Variants in DDI2 observed in about 807,000 individuals in gnomAD.
The protein encoded by DDI2 is protein DDI1 homolog 2.
DDI2 carries 5 observed loss-of-function variants against 48.1 expected under a neutral mutation model. The ratio of observed to expected loss-of-function variants is 0.10; its 90% confidence interval spans 0.05 to 0.22. The LOEUF (loss-of-function observed/expected upper bound fraction) is 0.22, where lower values mean the gene tolerates loss of function less well. Among genes scored for constraint, DDI2 ranks in the 10% least tolerant of loss-of-function variants. The pLI is 1.00. For synonymous variants in DDI2, 205 were observed against 183.6 expected (o/e 1.12, Z -0.94); for missense variants, 285 against 506.2 (o/e 0.56, Z 4.19).
In DDI2 at chr1:15,630,506, C is replaced by G; in HGVS notation, c.450C>G (p.Ser150=). The G allele has an allele frequency of 3.1e-6, 5 of 1,614,174 alleles. 1 individual carries two copies. The South Asian group carries it at 3.3e-5, about 11-fold the overall frequency. The change falls in exon 3 of 10, where the codon TCC becomes TCG. Residue 150 remains serine (S), a synonymous_variant. Coordinates refer to ENST00000480945, the MANE Select transcript of DDI2 (RefSeq NM_032341.5). ...DMLLANPHEL[S]LLKERNPPLA... The stretch of plus-strand genomic sequence containing the variant: ...TGCTGGCCAACCCGCATGAGCTGTC[C>G]TTGCTGAAGGAACGCAATCCACCCC...
chr1:15,641,855 T>C (rs1239881262), intron 5 of DDI2, among the ~76,000 whole-genome samples: 1 of 148,940 alleles, frequency 6.7e-6, no homozygotes, highest in Non-Finnish European at 1.5e-5. Flanking sequence ...CTCGGGAGGC[T>C]GAGGCAGGAG....
intron 5 of DDI2, among the ~76,000 whole-genome samples, chr1:15,639,609 A>G (rs890968809): frequency 6.6e-6 from 1 of 152,124 alleles, no homozygotes; most frequent in Non-Finnish European, 1.5e-5. Flanking sequence ...AACCACAGGC[A>G]TGTGCAACCA....
chr1:15,632,843 T>C (rs1000235591), intron 3 of DDI2, among the ~76,000 whole-genome samples: 4 of 151,492 alleles, frequency 2.6e-5, no homozygotes, highest in Non-Finnish European at 5.9e-5. Flanking sequence ...CCATTTTAAA[T>C]TGGAAAGTTG....
At chr1:15,623,387 C>CTTCTTTT (rs1553152999) in intron 1 of DDI2, among the ~76,000 whole-genome samples, 2 of 107,516 alleles carry the variant, frequency 1.9e-5, no homozygotes, top group African/African-American at 7.5e-5. Context: ...TTTTCTTCTT[C>CTTCTTTT]TTTTTTTTTT....
At chr1:15,646,645 C>T (rs1640096348) in intron 6 of DDI2, among the ~76,000 whole-genome samples, 2 of 152,108 alleles carry the variant, frequency 1.3e-5, no homozygotes, top group Admixed American at 6.5e-5. Context: ...TGAGATTGTG[C>T]CATTTCACTC....
chr1:15,657,866 A>G (rs1257143564), intron 9 of DDI2, among the ~76,000 whole-genome samples: 2 of 152,240 alleles, frequency 1.3e-5, no homozygotes, highest in African/African-American at 4.8e-5. Flanking sequence ...AAACTGAGAT[A>G]AGTGCAGTTT....
intron 1 of DDI2, among the ~76,000 whole-genome samples, chr1:15,625,863 C>T (rs561734559): frequency 6.6e-5 from 10 of 152,306 alleles, no homozygotes; most frequent in African/African-American, 2.2e-4. Context: ...GTGATCCACC[C>T]GCCTTGGCCT....
At chr1:15,635,434 CTT>C (rs1374085130) in intron 4 of DDI2, among the ~76,000 whole-genome samples, 55 of 152,166 alleles carry the variant, frequency 3.6e-4, no homozygotes, top group African/African-American at 1.3e-3. Context: ...AAGACGGAGT[CTT>C]GCTCTGTCGC....
chr1:15,655,788 T>C (rs1212841891), intron 8 of DDI2, among the ~76,000 whole-genome samples: 2 of 150,158 alleles, frequency 1.3e-5, no homozygotes, highest in Non-Finnish European at 3.0e-5. Context: ...TAGCCAGGCA[T>C]GGTGGCATGC....
intron 9 of DDI2, 66 bp downstream of exon 9, chr1:15,656,745 G>A (rs1015919547): frequency 5.6e-5 from 89 of 1,600,008 alleles, no homozygotes; most frequent in Middle Eastern, 1.7e-4. Context: ...GTCTGTATCC[G>A]CAGCAGTTTG....
rs1206804652 is a variant in DDI2, at chr1:15,617,599, G to A, written c.-72G>A. 3 of 1,238,230 alleles carry A rather than the reference G, an allele frequency of 2.4e-6. No individual in the cohort carries two copies. Among genetic ancestry groups the A allele is most frequent in the East Asian group, 6.4e-5 (2 of 31,044 alleles). 76.7% of individuals were successfully genotyped at this position (1,238,230 alleles called of 1,614,324 possible). On this transcript the variant is annotated 5_prime_UTR_variant, in exon 1 of 10. Transcript: ENST00000480945. ...CCTCCCGCAGCACCAGCCAGGCCAC[G>A]CCGCCGCCTCTTCCCCTGCGCCCCG...
rs1240333 is a variant in DDI2 at position 15,662,462 on chromosome 1, G to A, written c.*2672G>A. ...GGGGGAGTTACAATGCAAGTGAAAC[G>A]TGGTGCTACCCAGATTCTTAAAAGA... On this transcript the variant is annotated 3_prime_UTR_variant, in exon 10 of 10. Coordinates refer to ENST00000480945, the MANE Select transcript of DDI2 (RefSeq NM_032341.5). 0.77 allele frequency: 117,867 copies of A among 152,126 alleles called. 46,805 individuals carry two copies. The highest frequency in any genetic ancestry group is 0.94 in the African/African-American group (39,175 of 41,538). The allele number at this position is 152,126 out of a possible 1,614,324, so 9.4% of individuals were successfully genotyped here.
At chr1:15,652,150 C>T (rs570073462) in intron 8 of DDI2, among the ~76,000 whole-genome samples, 19 of 143,370 alleles carry the variant, frequency 1.3e-4, no homozygotes, top group African/African-American at 5.0e-4. Flanking sequence ...TTGTAGTTCA[C>T]TGCACCCTTG....
At position 15,649,835 on chromosome 1, in the gene DDI2, C is replaced by T; in HGVS notation, c.993+12C>T. The T allele has an allele frequency of 1.3e-6, 2 of 1,599,774 alleles. No individual in the cohort carries two copies. Among genetic ancestry groups the T allele is most frequent in the East Asian group, 2.3e-5 (1 of 44,436 alleles). ...TTAAACGGCACCAGGTAATTAAGAG[C>T]TTCACTTATTTTTTTTGCATCTGCT... On this transcript the variant is annotated intron_variant, in intron 7 of 9. Coordinates refer to ENST00000480945, the MANE Select transcript of DDI2 (RefSeq NM_032341.5).
intron 8 of DDI2, among the ~76,000 whole-genome samples, chr1:15,653,237 T>C (rs943181895): frequency 6.6e-6 from 1 of 151,988 alleles, no homozygotes; most frequent in Non-Finnish European, 1.5e-5. Flanking sequence ...CCTATTTCTT[T>C]CCTTTTCTTA....
At position 15,661,316 on chromosome 1, in the gene DDI2, A is replaced by G. The variant is rs747712913; in HGVS notation, c.*1526A>G. 6.2e-7 allele frequency: 1 copy of G among 1,614,056 alleles called. No homozygotes were observed. Among genetic ancestry groups the G allele is most frequent in the Non-Finnish European group, 8.5e-7 (1 of 1,179,966 alleles). On this transcript the variant is annotated 3_prime_UTR_variant, in exon 10 of 10. Transcript: ENST00000480945. ...GTAACCTCAGCTAAAACATCCAATC[A>G]GTTACACTGCACCTTAGGTGTAGAA...
intron 9 of DDI2, among the ~76,000 whole-genome samples, chr1:15,658,062 G>T (rs1312031950): frequency 6.6e-6 from 1 of 152,152 alleles, no homozygotes; most frequent in East Asian, 1.9e-4. Flanking sequence ...TTAACATTTA[G>T]TACTGAGCAT....
intron 4 of DDI2, 32 bp downstream of exon 4, chr1:15,633,597 TAG>T (rs773121698): frequency 1.9e-5 from 31 of 1,602,994 alleles, no homozygotes; most frequent in Admixed American, 8.5e-5. Context: ...GAACAAAACT[TAG>T]AGACTCCAGA....
chr1:15,633,325 C>A, intron 3 of DDI2, 114 bp from the exon 4 acceptor site: 2 of 1,200,572 alleles, frequency 1.7e-6, no homozygotes, highest in Non-Finnish European at 2.3e-6. Context: ...AAGCTTTAGG[C>A]ATCCTCTCTG....
Sources: gnomAD v4.1 joint callset for allele counts (sites outside exome capture counted in the v4.1 genomes callset) on GRCh38, gnomAD v4.1.1 for gene constraint, MANE v1.5 for transcripts, NCBI Gene and HGNC (gene_info 2026-07-23, HGNC 2026-07-21) for gene names.